GUCY1B1: variants seen among roughly 807,000 people sequenced by gnomAD.
GUCY1B1 encodes the protein guanylate cyclase soluble subunit beta-1.
Under a neutral mutation model 71.0 loss-of-function variants are expected in GUCY1B1, and 43 were observed. That is an observed-to-expected ratio of 0.61 (90% confidence interval 0.47 to 0.78). The LOEUF is 0.78. GUCY1B1 is among the 30% of genes least tolerant of loss of function. The pLI is 0.00. For synonymous variants in GUCY1B1, 266 were observed against 259.7 expected (o/e 1.02, Z -0.23); for missense variants, 535 against 754.1 (o/e 0.71, Z 3.40).
At chr4:155,759,920 G>C (rs1248881557) in intron 2 of GUCY1B1, 60 bp downstream of exon 2, 2 of 1,265,378 alleles carry the variant, frequency 1.6e-6, no homozygotes, top group Non-Finnish European at 2.3e-6. Context: ...GAGGCCCCCC[G>C]CGCCTCGCCT....
intron 4 of GUCY1B1, among the ~76,000 whole-genome samples, chr4:155,784,041 C>T (rs1274445455): frequency 6.6e-6 from 1 of 151,994 alleles, no homozygotes; most frequent in Non-Finnish European, 1.5e-5. Context: ...ATTATATAGA[C>T]TGGATCTTTT....
At chr4:155,759,171 G>A (rs867467199) in intron 1 of GUCY1B1, 28 bp downstream of exon 1, 6 of 1,566,452 alleles carry the variant, frequency 3.8e-6, no homozygotes, top group Middle Eastern at 1.8e-4. Context: ...GGTGCGGCCC[G>A]AACCTCACCC....
intron 4 of GUCY1B1, among the ~76,000 whole-genome samples, chr4:155,786,673 C>T (rs539386454): frequency 6.6e-6 from 1 of 151,754 alleles, no homozygotes; most frequent in Admixed American, 6.6e-5. Context: ...CGGGGTTTCA[C>T]CGTGTTAGCC....
chr4:155,799,976 TAGAG>T lies in GUCY1B1; in HGVS notation c.1080_1083del (p.Glu361AsnfsTer19). On this transcript the variant is annotated frameshift_variant, in exon 9 of 14. Coordinates refer to ENST00000264424, the MANE Select transcript of GUCY1B1 (RefSeq NM_000857.5). LOFTEE classifies it high-confidence loss of function. The stretch of plus-strand genomic sequence containing the variant: ...ATCTTGTTCTTTTGGGAGAACAATT[TAGAG>T]AGGAATACAAACTCACCCAAGAACT... The T allele has an allele frequency of 6.2e-7, 1 of 1,613,434 alleles. No individual in the cohort carries two copies. Among genetic ancestry groups the T allele is most frequent in the Non-Finnish European group, 8.5e-7 (1 of 1,179,414 alleles).
At chr4:155,788,485 A>G (rs1029573154) in intron 4 of GUCY1B1, among the ~76,000 whole-genome samples, 1 of 152,192 alleles carries the variant, frequency 6.6e-6, no homozygotes, top group Non-Finnish European at 1.5e-5. Context: ...ACAGTCACCC[A>G]TGTGACTAGG....
intron 3 of GUCY1B1, 37 bp downstream of exon 3, chr4:155,775,105 A>G (rs1737953342): frequency 9.5e-7 from 1 of 1,055,354 alleles, no homozygotes; most frequent in African/African-American, 1.6e-5. Flanking sequence ...TGGCCAAGTT[A>G]CACGTAGAAG....
At chr4:155,787,223 A>G (rs1186153375) in intron 4 of GUCY1B1, among the ~76,000 whole-genome samples, 1 of 151,956 alleles carries the variant, frequency 6.6e-6, no homozygotes, top group African/African-American at 2.4e-5. Context: ...CAGTTTTAGG[A>G]CTCCGGGGTT....
At chr4:155,760,961 A>G (rs1432546731) in intron 2 of GUCY1B1, among the ~76,000 whole-genome samples, 1 of 152,198 alleles carries the variant, frequency 6.6e-6, no homozygotes, top group Non-Finnish European at 1.5e-5. Flanking sequence ...CAGTTACATG[A>G]TGGTGATTTC....
chr4:155,775,070 T>C lies in GUCY1B1; in HGVS notation c.178+2T>C. ...TTGCTGCTGCAAGCAAAGTCCTCAGTAAGTTGAATGCAACTTTCCTTCTTT... is the reference window on the plus strand; with the variant it reads ...TTGCTGCTGCAAGCAAAGTCCTCAGCAAGTTGAATGCAACTTTCCTTCTTT... On this transcript the variant is annotated splice_donor_variant, in intron 3 of 13. Transcript: ENST00000264424. LOFTEE classifies it high-confidence loss of function. 2 of 1,501,208 alleles carry C rather than the reference T, an allele frequency of 1.3e-6. No homozygotes were observed. The highest frequency in any genetic ancestry group is 1.9e-6 in the Non-Finnish European group (2 of 1,077,810). The allele number at this position is 1,501,208 out of a possible 1,614,324, so 93.0% of individuals were successfully genotyped here.
chr4:155,779,282 C>G (rs886635486), intron 4 of GUCY1B1, among the ~76,000 whole-genome samples: 2 of 152,106 alleles, frequency 1.3e-5, no homozygotes, highest in African/African-American at 4.8e-5. Flanking sequence ...GAGTGAGACC[C>G]TGTCTCTACA....
chr4:155,798,815 T>C (rs574549317), intron 8 of GUCY1B1, among the ~76,000 whole-genome samples: 1 of 150,488 alleles, frequency 6.6e-6, no homozygotes, highest in South Asian at 2.2e-4. Flanking sequence ...CCTTATGCCA[T>C]TTTAACCAGT....
chr4:155,772,720 A>G, intron 2 of GUCY1B1: 4 of 702,532 alleles, frequency 5.7e-6, no homozygotes, highest in African/African-American at 1.7e-5. Context: ...CTGCCCAGCC[A>G]GAAAAGAGAG....
Position 155,781,795 on chromosome 4 carries a change from T to C in GUCY1B1, c.297+4153T>C, listed in dbSNP as rs1349932030. On this transcript the variant is annotated intron_variant, in intron 4 of 13. Transcript: ENST00000264424. ...TTAAATCACCAGTGAAAGCATCAAC[T>C]TGTGGGCTGATGAAAAAAGTAATAA... Among the ~76,000 whole-genome samples, 30 of 152,040 alleles carry C rather than the reference T, an allele frequency of 2.0e-4. 1 individual carries two copies. The highest frequency in any genetic ancestry group is 7.4e-5 in the Non-Finnish European group (5 of 67,986).
At chr4:155,774,857 C>A (rs570906448) in intron 2 of GUCY1B1, 111 bp from the exon 3 acceptor site, 205 of 707,892 alleles carry the variant, frequency 2.9e-4, no homozygotes, top group African/African-American at 2.1e-3. Context: ...CCCAAAAAAA[C>A]CAAATTCTAT....
chr4:155,766,857 C>G (rs1309596964), intron 2 of GUCY1B1, among the ~76,000 whole-genome samples: 1 of 152,154 alleles, frequency 6.6e-6, no homozygotes, highest in Non-Finnish European at 1.5e-5. Context: ...TGAAATCCAG[C>G]TGAGCTCTCA....
At chr4:155,766,885 G>A (rs549092218) in intron 2 of GUCY1B1, among the ~76,000 whole-genome samples, 3 of 152,212 alleles carry the variant, frequency 2.0e-5, no homozygotes, top group East Asian at 3.9e-4. Context: ...ATGCTATTTC[G>A]AATGTAATAT....
chr4:155,774,938 T>C (rs746467485), intron 2 of GUCY1B1, 30 bp from the exon 3 acceptor site: 11 of 1,128,342 alleles, frequency 9.7e-6, no homozygotes, highest in Non-Finnish European at 1.5e-5. Flanking sequence ...TCAACTTTTC[T>C]CTTCTGTCTT....
At chr4:155,784,975 G>A (rs1579223812) in intron 4 of GUCY1B1, among the ~76,000 whole-genome samples, 2 of 152,100 alleles carry the variant, frequency 1.3e-5, no homozygotes, top group Non-Finnish European at 2.9e-5. Flanking sequence ...TTCTAAATCT[G>A]TGAAGTGTAC....
chr4:155,759,970 T>A, intron 2 of GUCY1B1, 110 bp downstream of exon 2: 2 of 704,340 alleles, frequency 2.8e-6, no homozygotes, highest in Non-Finnish European at 4.8e-6. Context: ...CGCGCATCCT[T>A]GGAGGTGCCT....
Sources: gnomAD v4.1 joint callset for allele counts (sites outside exome capture counted in the v4.1 genomes callset) on GRCh38, gnomAD v4.1.1 for gene constraint, MANE v1.5 for transcripts, NCBI Gene and HGNC (gene_info 2026-07-23, HGNC 2026-07-21) for gene names.